The following KCNH8 variants were observed in gnomAD, a reference collection of about 807,000 sequenced individuals.
KCNH8 encodes the protein potassium voltage-gated channel subfamily H member 8.
Under a neutral mutation model 103.6 loss-of-function variants are expected in KCNH8, and 70 were observed. That is an observed-to-expected ratio of 0.68 (90% confidence interval 0.56 to 0.82). The LOEUF is 0.82. Ranked by LOEUF, KCNH8 falls within the 40% of genes least tolerant of loss-of-function variation. The pLI is 0.00. For synonymous variants in KCNH8, 498 were observed against 489.4 expected, an observed-to-expected ratio of 1.02 and a Z score of -0.23; for missense variants, 1,217 against 1,329.9, an observed-to-expected ratio of 0.92 and a Z score of 1.32.
chr3:19,334,006 T>C (rs1044763344), intron 3 of KCNH8, among the ~76,000 whole-genome samples: 1 of 152,182 alleles, frequency 6.6e-6, no homozygotes, highest in Non-Finnish European at 1.5e-5. Flanking sequence ...CAGAGGGACA[T>C]ACTGGGCTGC....
chr3:19,165,138 T>G (rs535073296), intron 1 of KCNH8, among the ~76,000 whole-genome samples: 1 of 152,308 alleles, frequency 6.6e-6, no homozygotes, highest in South Asian at 2.1e-4. Flanking sequence ...CTGTGCAGTT[T>G]ATTGTACATG....
At chr3:19,227,776 C>T (rs975833956) in intron 1 of KCNH8, among the ~76,000 whole-genome samples, 2 of 152,112 alleles carry the variant, frequency 1.3e-5, no homozygotes, top group African/African-American at 4.8e-5. Flanking sequence ...GCCCAGTGAG[C>T]GGCAACAAGG....
In KCNH8 at chr3:19,503,780, G is replaced by C. The variant is rs369504161; in HGVS notation, c.2041-6583G>C. ...ACATCACACTCTGGGGACTATTGTG[G>C]GGTAGGGGGAGGGGGGAGGGATAGC... On this transcript the variant is annotated intron_variant, in intron 11 of 15. Coordinates refer to ENST00000328405, the MANE Select transcript of KCNH8 (RefSeq NM_144633.3). Among the ~76,000 whole-genome samples the C allele has an allele frequency of 6.0e-3, 894 of 149,764 alleles. 6 individuals are homozygous for C. The highest frequency in any genetic ancestry group is 0.011 in the Non-Finnish European group (749 of 67,420).
In KCNH8 at chr3:19,472,289, T is replaced by C. The variant is rs529710178; in HGVS notation, c.2040+15307T>C. Among the ~76,000 whole-genome samples, 105 of 151,822 alleles carry C rather than the reference T, an allele frequency of 6.9e-4. No individual in the cohort carries two copies. In the Middle Eastern group the frequency reaches 0.014, roughly 20 times the overall value. ...ACAGAATGTTAGAACACAAAGGCAC[T>C]TTATATACCATCCAGTAAAGCTTTT... On this transcript the variant is annotated intron_variant, in intron 11 of 15. Transcript: ENST00000328405.
At chr3:19,290,854 TC>T (rs1446419501) in intron 3 of KCNH8, among the ~76,000 whole-genome samples, 1 of 152,148 alleles carries the variant, frequency 6.6e-6, no homozygotes, top group Non-Finnish European at 1.5e-5. Context: ...GTGGTAGAAT[TC>T]GGCTATGAAT....
At chr3:19,254,775 T>C (rs1421602965) in intron 2 of KCNH8, among the ~76,000 whole-genome samples, 1 of 152,294 alleles carries the variant, frequency 6.6e-6, no homozygotes, top group East Asian at 1.9e-4. Context: ...AGCTAGTGCA[T>C]GGCTACCAAA....
At chr3:19,173,878 C>A (rs940760351) in intron 1 of KCNH8, among the ~76,000 whole-genome samples, 2 of 151,796 alleles carry the variant, frequency 1.3e-5, no homozygotes, top group Non-Finnish European at 2.9e-5. Context: ...AGCATAAATT[C>A]TTGGTAACTG....
chr3:19,270,771 G>T (rs1041815860), intron 2 of KCNH8, among the ~76,000 whole-genome samples: 2 of 152,098 alleles, frequency 1.3e-5, no homozygotes, highest in African/African-American at 2.4e-5. Flanking sequence ...GCATATTCTT[G>T]GAAAGTGCTA....
Position 19,534,069 on chromosome 3 carries a change from A to C in KCNH8, c.3294A>C (p.Glu1098Asp). The C allele has an allele frequency of 6.2e-7, 1 of 1,613,978 alleles. No individual in the cohort carries two copies. Among genetic ancestry groups the C allele is most frequent in the South Asian group, 1.1e-5 (1 of 91,078 alleles). Residue 1098 changes from glutamate to aspartate, a missense_variant, in exon 16 of 16, where the codon GAA becomes GAC. By Grantham distance (45) the Glu-to-Asp change is conservative (BLOSUM62 2). Around this residue, in one of 3 missense-constraint regions of KCNH8, gnomAD observed 558 missense variants for 495.8 expected, o/e 1.13. Transcript: ENST00000328405. ...LPLEVVTSTA[E>D]VKDNKAINV ...TGGAAGTTGTCACAAGCACAGCAGAAGTGAAAGATAACAAAGCCATAAATG... is the reference window on the plus strand; with the variant it reads ...TGGAAGTTGTCACAAGCACAGCAGACGTGAAAGATAACAAAGCCATAAATG...
chr3:19,502,306 A>C (rs1320032079), intron 11 of KCNH8, among the ~76,000 whole-genome samples: 1 of 151,168 alleles, frequency 6.6e-6, no homozygotes, highest in Non-Finnish European at 1.5e-5. Flanking sequence ...TTCCATGCTC[A>C]TGGGTAGGAA....
chr3:19,486,507 C>A (rs1469576724), intron 11 of KCNH8, among the ~76,000 whole-genome samples: 1 of 152,202 alleles, frequency 6.6e-6, no homozygotes, highest in Non-Finnish European at 1.5e-5. Context: ...CCTTTGGAAA[C>A]CCCATCTAGT....
intron 1 of KCNH8, among the ~76,000 whole-genome samples, chr3:19,212,359 C>T (rs77210453): frequency 0.041 from 6,209 of 152,242 alleles, 443 homozygotes; most frequent in African/African-American, 0.14. Context: ...CCTGGCAACT[C>T]TCTTGATCTT....
intron 7 of KCNH8, among the ~76,000 whole-genome samples, chr3:19,430,186 G>T (rs985564761): frequency 4.6e-5 from 7 of 152,092 alleles, no homozygotes; most frequent in African/African-American, 1.7e-4. Context: ...TGTGTATATG[G>T]CTAGTCTGTT....
chr3:19,422,834 T>TC (rs1298503249), intron 7 of KCNH8, among the ~76,000 whole-genome samples: 2 of 151,992 alleles, frequency 1.3e-5, no homozygotes, highest in African/African-American at 4.8e-5. Context: ...TGTTGAGACC[T>TC]CCAGTGGGGT....
intron 5 of KCNH8, among the ~76,000 whole-genome samples, chr3:19,367,011 T>C (rs868706912): frequency 2.6e-5 from 4 of 151,972 alleles, no homozygotes; most frequent in South Asian, 2.1e-4. Context: ...CTTAGAAGCA[T>C]AGAAGACCCT....
chr3:19,387,577 A>G (rs1423228415), intron 5 of KCNH8, among the ~76,000 whole-genome samples: 1 of 152,154 alleles, frequency 6.6e-6, no homozygotes, highest in Non-Finnish European at 1.5e-5. Flanking sequence ...CTTTGAAATC[A>G]GTTACTGAAT....
At chr3:19,254,981 A>C (rs901383616) in intron 2 of KCNH8, among the ~76,000 whole-genome samples, 2 of 152,130 alleles carry the variant, frequency 1.3e-5, no homozygotes, top group Non-Finnish European at 2.9e-5. Flanking sequence ...AGGTATATTG[A>C]CGTCATAATC....
At chr3:19,358,156 C>CTTTCTTCCTTCCT (rs904070817) in intron 5 of KCNH8, among the ~76,000 whole-genome samples, 1 of 143,994 alleles carries the variant, frequency 6.9e-6, no homozygotes, top group Non-Finnish European at 1.5e-5. Flanking sequence ...TCCTTCCTTC[C>CTTTCTTCCTTCCT]TTTCTTCCTT....
intron 3 of KCNH8, among the ~76,000 whole-genome samples, chr3:19,333,781 A>G (rs906351471): frequency 3.9e-5 from 6 of 152,316 alleles, no homozygotes; most frequent in South Asian, 2.1e-4. Flanking sequence ...GACCAGTTAT[A>G]TATTAATCCA....
Sources: allele counts gnomAD v4.1 joint callset (sites outside exome capture counted in the v4.1 genomes callset), GRCh38; gene constraint gnomAD v4.1.1; regional missense constraint gnomAD v4.1.1; transcripts MANE v1.5; gene names NCBI Gene and HGNC (gene_info 2026-07-23, HGNC 2026-07-21).